Variants in TAF1B observed in about 807,000 individuals in gnomAD.
TAF1B encodes the protein TATA-box binding protein associated factor, RNA polymerase I subunit B, also known as TATA box-binding protein-associated factor RNA polymerase I subunit B.
In TAF1B, 61 loss-of-function variants were observed where a neutral mutation model predicts 83.9. The observed-to-expected ratio is 0.73, with a 90% CI of 0.59 to 0.90. The LOEUF is 0.90. Among genes scored for constraint, TAF1B ranks in the 40% least tolerant of loss-of-function variants. The probability of loss-of-function intolerance (pLI) is 0.00; values close to 1 mark genes in which losing one functional copy is unlikely to be tolerated. For synonymous variants in TAF1B, 221 were observed against 224.6 expected, an observed-to-expected ratio of 0.98 and a Z score of 0.14; for missense variants, 625 against 677.0, an observed-to-expected ratio of 0.92 and a Z score of 0.85.
At chr2:9,904,772 A>G (rs998483775) in intron 8 of TAF1B, 87 bp from the exon 9 acceptor site, 10 of 1,320,528 alleles carry the variant, frequency 7.6e-6, no homozygotes, top group African/African-American at 5.9e-5. Flanking sequence ...TTACTTTTTA[A>G]TAATAGCCAT....
At chr2:9,860,278 T>C (rs1457280567) in intron 5 of TAF1B, among the ~76,000 whole-genome samples, 1 of 152,208 alleles carries the variant, frequency 6.6e-6, no homozygotes, top group Non-Finnish European at 1.5e-5. Context: ...TGTAAAAGTC[T>C]GCAGTTCAGG....
chr2:9,887,041 G>GCAA (rs1310945839), intron 8 of TAF1B, among the ~76,000 whole-genome samples: 2 of 151,634 alleles, frequency 1.3e-5, no homozygotes, highest in Non-Finnish European at 2.9e-5. Flanking sequence ...CTCCAGCCAG[G>GCAA]CAACAGAGTG....
At chr2:9,866,356 C>T (rs925243943) in intron 5 of TAF1B, among the ~76,000 whole-genome samples, 1 of 152,122 alleles carries the variant, frequency 6.6e-6, no homozygotes, top group African/African-American at 2.4e-5. Context: ...CACTGGCCAT[C>T]AGAGAAATGC....
chr2:9,852,813 A>T (rs948742450), intron 4 of TAF1B, among the ~76,000 whole-genome samples: 1 of 152,172 alleles, frequency 6.6e-6, no homozygotes, highest in African/African-American at 2.4e-5. Flanking sequence ...TATTAAAGGC[A>T]AAAAAAGAAC....
intron 8 of TAF1B, among the ~76,000 whole-genome samples, chr2:9,894,245 C>CTT (rs34700284): frequency 0.94 from 142,894 of 152,126 alleles, 67,751 homozygotes; most frequent in East Asian, 1. Flanking sequence ...AGTTTAAACA[C>CTT]TATTTTCAGA....
At position 9,919,730 on chromosome 2, in the gene TAF1B, A is replaced by AC; in HGVS notation, c.1476dup (p.Ser493GlnfsTer16). 1 of 1,614,224 alleles carries AC rather than the reference A, an allele frequency of 6.2e-7. No individual in the cohort carries two copies. The highest frequency in any genetic ancestry group is 8.5e-7 in the Non-Finnish European group (1 of 1,180,038). ...ACTGATAGAACGTGTTTCCATGGAC[A>AC]CAGCCTTCAGGGAGTCCTGAAAGAG... On this transcript the variant is annotated frameshift_variant, in exon 14 of 15. Transcript: ENST00000263663. LOFTEE classifies it high-confidence loss of function.
intron 6 of TAF1B, among the ~76,000 whole-genome samples, chr2:9,875,036 C>T (rs901590436): frequency 1.3e-5 from 2 of 151,490 alleles, no homozygotes; most frequent in African/African-American, 2.4e-5. Context: ...GGCACGATCT[C>T]GGCTCACTGC....
At chr2:9,858,010 C>T (rs1663620946) in intron 5 of TAF1B, among the ~76,000 whole-genome samples, 6 of 152,196 alleles carry the variant, frequency 3.9e-5, no homozygotes, top group Admixed American at 3.9e-4. Flanking sequence ...TCATGCCTTC[C>T]CAACAGTCTA....
chr2:9,905,350 G>A (rs571198023), intron 9 of TAF1B, among the ~76,000 whole-genome samples: 2 of 152,194 alleles, frequency 1.3e-5, no homozygotes, highest in Non-Finnish European at 2.9e-5. Context: ...TCCCAAAACG[G>A]CACTTTTTAA....
chr2:9,911,665 C>T, intron 11 of TAF1B, 108 bp downstream of exon 11: 1 of 601,654 alleles, frequency 1.7e-6, no homozygotes, highest in Non-Finnish European at 2.7e-6. Flanking sequence ...TACACATAAA[C>T]ACATGTATAC....
intron 8 of TAF1B, among the ~76,000 whole-genome samples, chr2:9,893,438 C>T (rs765116851): frequency 6.6e-6 from 1 of 152,136 alleles, no homozygotes; most frequent in Non-Finnish European, 1.5e-5. Flanking sequence ...GTGATATAGT[C>T]ATATAATGGT....
chr2:9,859,138 A>G (rs1280614124), intron 5 of TAF1B, among the ~76,000 whole-genome samples: 2 of 152,254 alleles, frequency 1.3e-5, no homozygotes, highest in Non-Finnish European at 2.9e-5. Flanking sequence ...GTGAACACAC[A>G]TGACTGAATG....
intron 7 of TAF1B, among the ~76,000 whole-genome samples, chr2:9,879,803 C>A (rs568157676): frequency 6.6e-6 from 1 of 151,974 alleles, no homozygotes; most frequent in Non-Finnish European, 1.5e-5. Context: ...TAAAATGCAC[C>A]CTTTAAAAAT....
Position 9,926,817 on chromosome 2 carries a change from A to AC in TAF1B, c.1566-6966_1566-6965insC, listed in dbSNP as rs1666056370. ...GAGACTCTGTCTCAAAAAAAAAAAAAAAAAAGAGAGATTGGCAGTTAACAT... is the reference window on the plus strand; with the variant it reads ...GAGACTCTGTCTCAAAAAAAAAAAAACAAAAAGAGAGATTGGCAGTTAACAT... On this transcript the variant is annotated intron_variant, in intron 14 of 14. Coordinates refer to ENST00000263663, the MANE Select transcript of TAF1B (RefSeq NM_005680.3). Among the ~76,000 whole-genome samples, 3 of 151,692 alleles carry AC rather than the reference A, an allele frequency of 2.0e-5. No individual in the cohort carries two copies. In the South Asian group the frequency reaches 6.3e-4, roughly 32 times the overall value.
At chr2:9,927,498 G>C (rs1666078995) in intron 14 of TAF1B, among the ~76,000 whole-genome samples, 1 of 152,170 alleles carries the variant, frequency 6.6e-6, no homozygotes, top group Non-Finnish European at 1.5e-5. Context: ...TAGTGTGAAA[G>C]CATTCCTGTT....
intron 9 of TAF1B, among the ~76,000 whole-genome samples, chr2:9,908,313 C>G (rs550115813): frequency 6.6e-6 from 1 of 151,910 alleles, no homozygotes; most frequent in East Asian, 1.9e-4. Flanking sequence ...TCCCAAACTG[C>G]TGGGATTACA....
In TAF1B at chr2:9,910,834, G is replaced by T; in HGVS notation, c.1054G>T (p.Val352Phe). 1.2e-6 allele frequency: 2 copies of T among 1,613,630 alleles called. No homozygotes were observed. The highest frequency in any genetic ancestry group is 1.1e-5 in the South Asian group (1 of 90,996). The change falls in exon 10 of 15, where the codon GTT becomes TTT. Residue 352 changes from valine (V) to phenylalanine (F), a missense_variant. Val to Phe is a conservative substitution (Grantham distance 50). Transcript: ENST00000263663. ...FDPIAKMAKTVKYDVQAVAII... is the reference protein window; with the variant it reads ...FDPIAKMAKTFKYDVQAVAII... Reference sequence around the variant, plus strand: ...TCCTATAGCTAAAATGGCAAAAACTGTTAAGTACGATGTACAAGCTGTAGC... The same window carrying T: ...TCCTATAGCTAAAATGGCAAAAACTTTTAAGTACGATGTACAAGCTGTAGC...
chr2:9,868,902 A>G (rs1664081771), intron 6 of TAF1B: 3 of 341,156 alleles, frequency 8.8e-6, no homozygotes, highest in South Asian at 2.4e-5. Context: ...TGAAATAAAT[A>G]AGGAATGTAT....
intron 12 of TAF1B, among the ~76,000 whole-genome samples, chr2:9,918,629 G>T (rs1300305250): frequency 6.6e-6 from 1 of 152,210 alleles, no homozygotes; most frequent in East Asian, 1.9e-4. Flanking sequence ...TTCACTGTGT[G>T]TAAGTTATCA....
Sources: gnomAD v4.1 joint callset for allele counts (sites outside exome capture counted in the v4.1 genomes callset) on GRCh38, gnomAD v4.1.1 for gene constraint, MANE v1.5 for transcripts, NCBI Gene and HGNC (gene_info 2026-07-23, HGNC 2026-07-21) for gene names.